Variants in LGSN observed in about 807,000 individuals in gnomAD.
LGSN encodes the protein lengsin, lens protein with glutamine synthetase domain.
LGSN carries 21 observed loss-of-function variants against 19.5 expected under a neutral mutation model. The ratio of observed to expected loss-of-function variants is 1.07; its 90% confidence interval spans 0.76 to 1.55. The LOEUF (loss-of-function observed/expected upper bound fraction) is 1.55, where lower values mean the gene tolerates loss of function less well. Among genes scored for constraint, LGSN ranks in the 40% most tolerant of loss-of-function variants. LGSN has a pLI of 0.00. For synonymous variants in LGSN, 257 were observed against 215.6 expected, an observed-to-expected ratio of 1.19 and a Z score of -1.68; for missense variants, 673 against 608.5, an observed-to-expected ratio of 1.11 and a Z score of -1.12.
chr6:63,308,660 G>A (rs901444790), intron 1 of LGSN, among the ~76,000 whole-genome samples: 2 of 151,372 alleles, frequency 1.3e-5, no homozygotes, highest in African/African-American at 2.4e-5. Context: ...GTTATAGTCC[G>A]AGGTGTAGGC....
the LGSN span, among the ~76,000 whole-genome samples, chr6:63,457,948 C>T: frequency 1.3e-5 from 2 of 152,092 alleles, no homozygotes; most frequent in Non-Finnish European, 2.9e-5. Flanking sequence ...CACATATTTA[C>T]CATCTACAAG....
At chr6:63,339,057 T>G in the LGSN span, among the ~76,000 whole-genome samples, 1 of 152,212 alleles carries the variant, frequency 6.6e-6, no homozygotes, top group Non-Finnish European at 1.5e-5. Flanking sequence ...GATATTGACT[T>G]TGTTTTAATT....
the LGSN span, chr6:63,395,692 C>G: frequency 3.7e-4 from 57 of 153,314 alleles, no homozygotes; most frequent in African/African-American, 1.3e-3. Flanking sequence ...CAGGACTTTG[C>G]GAGGCTGGGC....
At chr6:63,546,706 C>CA in the LGSN span, among the ~76,000 whole-genome samples, 2,489 of 140,168 alleles carry the variant, frequency 0.018, 54 homozygotes, top group African/African-American at 0.054. Context: ...AACTCCATCT[C>CA]AAAAAAAAAA....
chr6:63,537,041 AATTAAAT>A, the LGSN span, among the ~76,000 whole-genome samples: 3 of 152,094 alleles, frequency 2.0e-5, no homozygotes, highest in Non-Finnish European at 2.9e-5. Context: ...TTAAAATTAA[AATTAAAT>A]ATTTGTTAAA....
the LGSN span, among the ~76,000 whole-genome samples, chr6:63,439,844 T>C: frequency 6.6e-6 from 1 of 152,228 alleles, no homozygotes; most frequent in Non-Finnish European, 1.5e-5. Context: ...ACCTTCTCTC[T>C]ATATACACAT....
At chr6:63,338,088 C>A in the LGSN span, among the ~76,000 whole-genome samples, 1 of 151,984 alleles carries the variant, frequency 6.6e-6, no homozygotes, top group Non-Finnish European at 1.5e-5. Context: ...GTTTCACCAT[C>A]TTGGCCAGGC....
At chr6:63,329,001 G>GATATTTA in the LGSN span, among the ~76,000 whole-genome samples, 2 of 152,192 alleles carry the variant, frequency 1.3e-5, no homozygotes, top group Admixed American at 6.5e-5. Flanking sequence ...GCTAAGATTA[G>GATATTTA]ACCTAGATAT....
At chr6:63,305,513 T>C (rs1768348575) in intron 1 of LGSN, among the ~76,000 whole-genome samples, 1 of 152,208 alleles carries the variant, frequency 6.6e-6, no homozygotes, top group South Asian at 2.1e-4. Context: ...TTCAGATGCC[T>C]GCCAATCACA....
the LGSN span, among the ~76,000 whole-genome samples, chr6:63,386,350 T>C: frequency 1.3e-5 from 2 of 152,220 alleles, no homozygotes; most frequent in African/African-American, 4.8e-5. Flanking sequence ...GATCCAGCCA[T>C]TGAGAATATC....
At chr6:63,550,623 G>A in the LGSN span, 1 of 152,358 alleles carries the variant, frequency 6.6e-6, no homozygotes, top group African/African-American at 2.4e-5. Context: ...TTGGTTGGTT[G>A]GTTGGTTGGT....
chr6:63,432,088 GGAAAGAAAGAAAGAAAGAAAGAAA>G, the LGSN span, among the ~76,000 whole-genome samples: 794 of 44,736 alleles, frequency 0.018, 13 homozygotes, highest in East Asian at 0.025. Context: ...AGAAAAAGAA[GGAAAGAAAGAAAGAAAGAAAGAAA>G]GAAAGAAAGA....
At chr6:63,393,140 GC>G in the LGSN span, among the ~76,000 whole-genome samples, 2 of 150,476 alleles carry the variant, frequency 1.3e-5, no homozygotes, top group Admixed American at 1.3e-4. Flanking sequence ...ACCCACCTCG[GC>G]CTCCCAAAGT....
chr6:63,449,738 CG>C, the LGSN span, among the ~76,000 whole-genome samples: 1 of 151,928 alleles, frequency 6.6e-6, no homozygotes, highest in Non-Finnish European at 1.5e-5. Context: ...ATTTTTCAGT[CG>C]TAGGTAGTTT....
chr6:63,486,682 C>CTTTTTTT, the LGSN span, among the ~76,000 whole-genome samples: 1 of 115,850 alleles, frequency 8.6e-6, no homozygotes, highest in Admixed American at 1.0e-4. Context: ...TTATTTTCTT[C>CTTTTTTT]TTTTTTTTTT....
chr6:63,464,402 T>C, the LGSN span, among the ~76,000 whole-genome samples: 2 of 152,068 alleles, frequency 1.3e-5, no homozygotes, highest in Non-Finnish European at 2.9e-5. Flanking sequence ...ATTTTGAATA[T>C]AATATTAATC....
chr6:63,365,079 T>C, the LGSN span, among the ~76,000 whole-genome samples: 3 of 149,888 alleles, frequency 2.0e-5, no homozygotes, highest in African/African-American at 7.3e-5. Context: ...AAGAAATAAC[T>C]AAGATCAGAG....
intron 1 of LGSN, among the ~76,000 whole-genome samples, chr6:63,308,087 A>G (rs1285363305): frequency 1.3e-5 from 2 of 152,216 alleles, no homozygotes; most frequent in Non-Finnish European, 2.9e-5. Flanking sequence ...TCATGAGCGT[A>G]AGTACAGATA....
At chr6:63,319,391 C>T (rs1768999387) in intron 1 of LGSN, among the ~76,000 whole-genome samples, 2 of 152,200 alleles carry the variant, frequency 1.3e-5, no homozygotes, top group East Asian at 1.9e-4. Flanking sequence ...AGGTTGGGTA[C>T]ACACACATTA....
Sources: allele counts gnomAD v4.1 joint callset (sites outside exome capture counted in the v4.1 genomes callset), GRCh38; gene constraint gnomAD v4.1.1; transcripts MANE v1.5; gene names NCBI Gene and HGNC (gene_info 2026-07-23, HGNC 2026-07-21).